The following PLCL2 variants were observed in gnomAD, a reference collection of about 807,000 sequenced individuals.
PLCL2 encodes inactive phospholipase C-like protein 2.
Under a neutral mutation model 79.6 loss-of-function variants are expected in PLCL2, and 4 were observed. That is an observed-to-expected ratio of 0.05 (90% CI 0.02 to 0.11). PLCL2 has a LOEUF of 0.11. Among genes scored for constraint, PLCL2 ranks in the 10% least tolerant of loss-of-function variants. PLCL2 has a pLI of 1.00. For synonymous variants in PLCL2, 484 were observed against 457.7 expected (o/e 1.06, Z -0.73); for missense variants, 895 against 1,291.0 (o/e 0.69, Z 4.70).
At chr3:16,981,735 A>G (rs1045326139) in intron 1 of PLCL2, among the ~76,000 whole-genome samples, 2 of 152,252 alleles carry the variant, frequency 1.3e-5, no homozygotes, top group Non-Finnish European at 2.9e-5. Flanking sequence ...CATGTGATGA[A>G]TTGCATCTTG....
At chr3:17,059,356 G>A (rs1356323475) in intron 4 of PLCL2, among the ~76,000 whole-genome samples, 2 of 144,040 alleles carry the variant, frequency 1.4e-5, no homozygotes, top group East Asian at 4.0e-4. Flanking sequence ...TCCAGCCTAG[G>A]TGACAGAGCG....
chr3:17,059,201 A>C (rs2064920390), intron 4 of PLCL2, among the ~76,000 whole-genome samples: 2 of 152,082 alleles, frequency 1.3e-5, no homozygotes, highest in African/African-American at 4.8e-5. Context: ...ATGGAACATT[A>C]TGCCACTGTA....
At chr3:16,970,229 A>G (rs563105745) in intron 1 of PLCL2, among the ~76,000 whole-genome samples, 89 of 150,458 alleles carry the variant, frequency 5.9e-4, no homozygotes, top group African/African-American at 2.1e-3. Context: ...AGCCCACAAC[A>G]GTCCCCAGAG....
At chr3:17,015,003 C>A in intron 3 of PLCL2, 92 bp downstream of exon 3, 1 of 976,130 alleles carries the variant, frequency 1.0e-6, no homozygotes, top group Non-Finnish European at 1.6e-6. Flanking sequence ...TGCTGAAGTG[C>A]ACTTTCCTAT....
intron 1 of PLCL2, among the ~76,000 whole-genome samples, chr3:16,970,211 CT>C (rs2063846395): frequency 6.6e-6 from 1 of 151,820 alleles, no homozygotes; most frequent in Non-Finnish European, 1.5e-5. Context: ...TCTCTCCCCC[CT>C]CCCCCCAGCC....
intron 1 of PLCL2, among the ~76,000 whole-genome samples, chr3:16,986,140 A>T (rs1470206859): frequency 6.6e-6 from 1 of 152,054 alleles, no homozygotes; most frequent in Non-Finnish European, 1.5e-5. Context: ...GAGGAAAAAA[A>T]ATGACTAGAA....
intron 1 of PLCL2, among the ~76,000 whole-genome samples, chr3:16,990,220 T>C (rs1400067210): frequency 4.6e-5 from 7 of 152,324 alleles, no homozygotes; most frequent in Admixed American, 3.3e-4. Flanking sequence ...TTCTACCTTA[T>C]CTTGTTTAAT....
intron 3 of PLCL2, among the ~76,000 whole-genome samples, chr3:17,029,620 C>G (rs973955287): frequency 6.6e-6 from 1 of 152,088 alleles, no homozygotes; most frequent in Non-Finnish European, 1.5e-5. Context: ...TGGGGTCACA[C>G]CAGAAAAGGG....
intron 3 of PLCL2, among the ~76,000 whole-genome samples, chr3:17,042,246 C>G (rs1251865438): frequency 6.6e-6 from 1 of 152,162 alleles, no homozygotes; most frequent in African/African-American, 2.4e-5. Flanking sequence ...CAGCTGTTCA[C>G]TGATTCTTTC....
chr3:16,922,983 C>A (rs1293144743), intron 1 of PLCL2, among the ~76,000 whole-genome samples: 1 of 152,142 alleles, frequency 6.6e-6, no homozygotes, highest in South Asian at 2.1e-4. Flanking sequence ...ACAATAACCC[C>A]TCTATAATAC....
chr3:17,022,565 A>G (rs1417474688), intron 3 of PLCL2, among the ~76,000 whole-genome samples: 1 of 152,240 alleles, frequency 6.6e-6, no homozygotes, highest in Non-Finnish European at 1.5e-5. Flanking sequence ...TGCTCTGGAG[A>G]TAATATACAC....
At chr3:16,984,092 G>A (rs2064025478) in intron 1 of PLCL2, among the ~76,000 whole-genome samples, 1 of 152,114 alleles carries the variant, frequency 6.6e-6, no homozygotes, top group South Asian at 2.1e-4. Context: ...TATGTCTTTT[G>A]GTTCATGAAC....
chr3:16,908,800 C>T (rs950510388), intron 1 of PLCL2, among the ~76,000 whole-genome samples: 1 of 152,030 alleles, frequency 6.6e-6, no homozygotes, highest in Non-Finnish European at 1.5e-5. Context: ...TTAAAAATAG[C>T]TTGTTTATTC....
chr3:16,987,179 G>C (rs964916486), intron 1 of PLCL2, among the ~76,000 whole-genome samples: 2 of 152,018 alleles, frequency 1.3e-5, no homozygotes, highest in Non-Finnish European at 2.9e-5. Flanking sequence ...GTAGCCTGAG[G>C]TCATCAGCTC....
chr3:17,056,478 A>G (rs920400894), intron 4 of PLCL2, among the ~76,000 whole-genome samples: 2 of 152,288 alleles, frequency 1.3e-5, no homozygotes, highest in Admixed American at 6.5e-5. Context: ...GAATATACAA[A>G]TAATTGAATA....
Position 17,010,221 on chromosome 3 carries a change from C to G in PLCL2, c.875C>G (p.Ala292Gly), listed in dbSNP as rs765821396. 1 of 1,613,992 alleles carries G rather than the reference C, an allele frequency of 6.2e-7. No homozygotes were observed. The highest frequency in any genetic ancestry group is 8.5e-7 in the Non-Finnish European group (1 of 1,179,892). The change falls in exon 2 of 6, where the codon GCT becomes GGT. Residue 292 changes from alanine (A) to glycine (G), a missense_variant. Physicochemically the swap from Ala to Gly is moderately conservative, Grantham distance 60. This residue lies in a region of PLCL2 where 93 missense variants were observed against 93.2 expected (regional missense o/e 1.00). Coordinates refer to ENST00000615277, the MANE Select transcript of PLCL2 (RefSeq NM_001144382.2). The surrounding 1 kb of genome is among the most constrained non-coding windows in gnomAD (Gnocchi z 5.8). ...DNLGHITLCN[A>G]VQCIRNLNPG... ...CTTGGACATATAACTCTGTGTAATGCTGTGCAATGTATCAGAAACCTCAAT... is the reference window on the plus strand; with the variant it reads ...CTTGGACATATAACTCTGTGTAATGGTGTGCAATGTATCAGAAACCTCAAT...
chr3:16,973,245 A>G (rs770971121), intron 1 of PLCL2, among the ~76,000 whole-genome samples: 2 of 152,064 alleles, frequency 1.3e-5, no homozygotes, highest in African/African-American at 2.4e-5. Context: ...TATGAAGCTT[A>G]GTTTGGCTCT....
chr3:17,042,702 G>T (rs565264819), intron 3 of PLCL2, 172 bp from the exon 4 acceptor site: 2 of 580,196 alleles, frequency 3.4e-6, no homozygotes, highest in Non-Finnish European at 6.3e-6. Flanking sequence ...ATGTGGGGAT[G>T]TGTGATGTTA....
Position 16,942,473 on chromosome 3 carries a change from G to A in PLCL2, c.327+57107G>A, listed in dbSNP as rs184083799. ...ACAAGCCCTGAAAGAGAAGGAGTGC[G>A]TCCTTCCCTCCCAGGTGCTCACTGA... On this transcript the variant is annotated intron_variant, in intron 1 of 5. Coordinates refer to ENST00000615277, the MANE Select transcript of PLCL2 (RefSeq NM_001144382.2). Among the ~76,000 whole-genome samples, 15 of 152,150 alleles carry A rather than the reference G, an allele frequency of 9.9e-5. No homozygotes were observed. In the South Asian group the frequency reaches 1.0e-3, roughly 11 times the overall value.
Sources: allele counts gnomAD v4.1 joint callset (sites outside exome capture counted in the v4.1 genomes callset), GRCh38; gene constraint gnomAD v4.1.1; regional missense constraint gnomAD v4.1.1; non-coding constraint Gnocchi (gnomAD v3.1); transcripts MANE v1.5; gene names NCBI Gene and HGNC (gene_info 2026-07-23, HGNC 2026-07-21).